INSL6: variants seen among roughly 807,000 people sequenced by gnomAD.
INSL6 encodes the protein insulin like 6, also known as insulin-like peptide INSL6.
In INSL6, 16 loss-of-function variants were observed where a neutral mutation model predicts 9.4. The observed-to-expected ratio is 1.70, with a 90% CI of 1.15 to 2.59. The LOEUF (loss-of-function observed/expected upper bound fraction) is 2.59. Ranked by LOEUF, INSL6 falls within the 30% of genes most tolerant of loss-of-function variation. The pLI is 0.00. For missense variants in INSL6, 391 were observed against 257.3 expected (o/e 1.52, Z -3.56); for synonymous variants, 154 against 96.9 (o/e 1.59, Z -3.46).
At chr9:5,004,686 T>A in the INSL6 span, among the ~76,000 whole-genome samples, 1 of 152,166 alleles carries the variant, frequency 6.6e-6, no homozygotes, top group African/African-American at 2.4e-5. Flanking sequence ...CCATTTTAAT[T>A]TTTTGAGGAA....
At chr9:5,115,185 A>C in the INSL6 span, among the ~76,000 whole-genome samples, 5 of 152,166 alleles carry the variant, frequency 3.3e-5, no homozygotes, top group Admixed American at 2.6e-4. Flanking sequence ...GGCTAATATC[A>C]AGAATCTACA....
At chr9:5,080,232 T>C in the INSL6 span, 1 of 1,610,118 alleles carries the variant, frequency 6.2e-7, no homozygotes, top group Non-Finnish European at 8.5e-7. Context: ...TTAAAAGTTC[T>C]TCAGGAGAGA....
At chr9:5,126,556 C>A (rs922071630) in intron 3 of INSL6, 1 of 934,314 alleles carries the variant, frequency 1.1e-6, no homozygotes, top group Non-Finnish European at 1.7e-6. Flanking sequence ...AGATAAACAG[C>A]ATAATCAGAT....
rs566728318 is a variant in INSL6, at chr9:5,131,316, T to C, written c.*10+2109A>G. Among the ~76,000 whole-genome samples the C allele has an allele frequency of 7.9e-5, 12 of 152,218 alleles. 1 individual carries two copies. Among genetic ancestry groups the C allele is most frequent in the African/African-American group, 2.9e-4 (12 of 41,520 alleles). On this transcript the variant is annotated intron_variant, in intron 3 of 3. Coordinates refer to the INSL6 transcript ENST00000649639. ...AGAACAAAATTTATTATTATGTCCTTAGTAACATTTAAGACCCCTCAATTT... is the reference window on the plus strand; with the variant it reads ...AGAACAAAATTTATTATTATGTCCTCAGTAACATTTAAGACCCCTCAATTT...
chr9:5,176,748 C>A (rs1345613709), intron 1 of INSL6, among the ~76,000 whole-genome samples: 4 of 149,768 alleles, frequency 2.7e-5, no homozygotes, highest in South Asian at 2.1e-4. Context: ...ATAAGTTTAG[C>A]AAGAAAGTGA....
At chr9:5,064,667 G>C in the INSL6 span, among the ~76,000 whole-genome samples, 1 of 152,190 alleles carries the variant, frequency 6.6e-6, no homozygotes, top group African/African-American at 2.4e-5. Flanking sequence ...GATGGCTATA[G>C]AGTGAACTAT....
chr9:5,077,554 C>T, the INSL6 span: 2 of 1,491,416 alleles, frequency 1.3e-6, no homozygotes, highest in Non-Finnish European at 1.8e-6. Flanking sequence ...AGTTGCTAAA[C>T]AGTTGGCATG....
intron 2 of INSL6, among the ~76,000 whole-genome samples, chr9:5,146,896 C>A (rs569745279): frequency 6.6e-6 from 1 of 152,126 alleles, no homozygotes; most frequent in Non-Finnish European, 1.5e-5. Context: ...GTGTGGGCCT[C>A]AGGGCACCTG....
intron 2 of INSL6, among the ~76,000 whole-genome samples, chr9:5,158,047 T>C (rs1406246314): frequency 1.3e-5 from 2 of 152,100 alleles, no homozygotes; most frequent in South Asian, 2.1e-4. Context: ...AAAAATGCAG[T>C]TGACATACTG....
the INSL6 span, among the ~76,000 whole-genome samples, chr9:5,035,615 A>G: frequency 6.6e-6 from 1 of 152,264 alleles, no homozygotes; most frequent in Non-Finnish European, 1.5e-5. Flanking sequence ...GCATATAAAC[A>G]GAACTAACGG....
chr9:5,136,513 G>T (rs202221192), intron 2 of INSL6, among the ~76,000 whole-genome samples: 1 of 151,890 alleles, frequency 6.6e-6, no homozygotes, highest in Non-Finnish European at 1.5e-5. Context: ...GAAACAATGA[G>T]AAAAACAACA....
chr9:5,030,965 AATAG>A, the INSL6 span, among the ~76,000 whole-genome samples: 2 of 152,182 alleles, frequency 1.3e-5, no homozygotes, highest in Non-Finnish European at 2.9e-5. Flanking sequence ...CCAGTTATAT[AATAG>A]ATAAAGAAGA....
At chr9:5,168,756 G>T (rs1825114422) in intron 1 of INSL6, among the ~76,000 whole-genome samples, 2 of 151,858 alleles carry the variant, frequency 1.3e-5, no homozygotes, top group African/African-American at 2.4e-5. Context: ...TTCATGAGAA[G>T]ATCAGCCCAA....
At chr9:5,066,330 A>G in the INSL6 span, among the ~76,000 whole-genome samples, 1 of 152,138 alleles carries the variant, frequency 6.6e-6, no homozygotes, top group Non-Finnish European at 1.5e-5. Context: ...TCTGATATAT[A>G]ATCTTTATAG....
the INSL6 span, among the ~76,000 whole-genome samples, chr9:5,037,397 C>T: frequency 6.6e-6 from 1 of 152,266 alleles, no homozygotes; most frequent in Admixed American, 6.5e-5. Context: ...GCTATAAAGA[C>T]ACATGCACAC....
chr9:5,143,082 G>C (rs1230545924), intron 2 of INSL6, among the ~76,000 whole-genome samples: 1 of 152,090 alleles, frequency 6.6e-6, no homozygotes, highest in African/African-American at 2.4e-5. Context: ...ATGTGCTGCT[G>C]GATTCCGTTT....
chr9:5,123,076 G>C, downstream of INSL6: 3 of 1,611,404 alleles, frequency 1.9e-6, no homozygotes, highest in Non-Finnish European at 2.5e-6. Context: ...GAGTGGTTCT[G>C]TATGAACTTT....
At chr9:5,049,835 G>C in the INSL6 span, among the ~76,000 whole-genome samples, 154 of 152,226 alleles carry the variant, frequency 1.0e-3, no homozygotes, top group African/African-American at 3.7e-3. Flanking sequence ...ATTGCTCTAG[G>C]CTACAAACTT....
chr9:5,152,203 T>C (rs11792531), intron 2 of INSL6, among the ~76,000 whole-genome samples: 34,334 of 152,074 alleles, frequency 0.23, 4,589 homozygotes, highest in South Asian at 0.3. Flanking sequence ...AGTAAAGACA[T>C]AGAACAATGA....
Sources: gnomAD v4.1 joint callset for allele counts (sites outside exome capture counted in the v4.1 genomes callset) on GRCh38, gnomAD v4.1.1 for gene constraint, MANE v1.5 for transcripts, NCBI Gene and HGNC (gene_info 2026-07-23, HGNC 2026-07-21) for gene names.